The following KIAA1958 variants were observed in gnomAD, a reference collection of about 807,000 sequenced individuals.
The protein encoded by KIAA1958 is uncharacterized protein KIAA1958.
A neutral mutation model predicts 47.2 loss-of-function variants in KIAA1958; 14 were observed. The observed-to-expected ratio is 0.30, with a 90% CI of 0.20 to 0.46. The LOEUF (loss-of-function observed/expected upper bound fraction) is 0.46. Ranked by LOEUF, KIAA1958 falls within the 20% of genes least tolerant of loss-of-function variation. KIAA1958 has a pLI of 1.00. For missense variants in KIAA1958, 803 were observed against 909.2 expected (o/e 0.88, Z 1.50); for synonymous variants, 354 against 353.3 (o/e 1.00, Z -0.02).
chr9:112,521,899 C>T (rs762575817), intron 1 of KIAA1958, among the ~76,000 whole-genome samples: 55 of 152,002 alleles, frequency 3.6e-4, no homozygotes, highest in Non-Finnish European at 1.2e-4. Context: ...AATGAAATGT[C>T]TTTATTTTTC....
Position 112,506,709 on chromosome 9 carries a change from T to C in KIAA1958, c.-25+19591T>C, listed in dbSNP as rs1163333842. ...TTTGCTTGCTCAAGCTACTGCTTTT[T>C]TTTTTTTCTTGTAAACACAGCTGGA... On this transcript the variant is annotated intron_variant, in intron 1 of 3. Coordinates refer to ENST00000337530, the MANE Select transcript of KIAA1958 (RefSeq NM_133465.4). Among the ~76,000 whole-genome samples the C allele has an allele frequency of 2.0e-5, 3 of 152,194 alleles. 1 individual carries two copies. The highest frequency in any genetic ancestry group is 1.3e-4 in the Admixed American group (2 of 15,284).
intron 2 of KIAA1958, among the ~76,000 whole-genome samples, chr9:112,620,103 AATT>A (rs1836477192): frequency 1.3e-5 from 2 of 152,242 alleles, no homozygotes. Flanking sequence ...GATATCCTGC[AATT>A]ATTATAATAA....
chr9:112,536,082 G>C (rs1027680948), intron 1 of KIAA1958, among the ~76,000 whole-genome samples: 2 of 152,150 alleles, frequency 1.3e-5, no homozygotes, highest in African/African-American at 4.8e-5. Context: ...TCAATGAGTG[G>C]CTAATGTAAC....
intron 1 of KIAA1958, among the ~76,000 whole-genome samples, chr9:112,506,131 A>G (rs1834231157): frequency 6.6e-6 from 1 of 152,184 alleles, no homozygotes; most frequent in Non-Finnish European, 1.5e-5. Context: ...GAGAAAAATG[A>G]AATTTATAGA....
At chr9:112,584,184 C>G (rs1347080325) in intron 2 of KIAA1958, among the ~76,000 whole-genome samples, 4 of 152,144 alleles carry the variant, frequency 2.6e-5, no homozygotes, top group African/African-American at 9.7e-5. Flanking sequence ...CAGCCCTGCC[C>G]CCTTCTTTTC....
At chr9:112,620,775 C>T (rs1480354558) in intron 2 of KIAA1958, among the ~76,000 whole-genome samples, 1 of 149,448 alleles carries the variant, frequency 6.7e-6, no homozygotes, top group Non-Finnish European at 1.5e-5. Context: ...ATATGTAAGT[C>T]ATAGTTACTA....
At chr9:112,513,511 C>A (rs1199312567) in intron 1 of KIAA1958, among the ~76,000 whole-genome samples, 1 of 5,312 alleles carries the variant, frequency 1.9e-4, no homozygotes, top group Non-Finnish European at 3.2e-4. Context: ...GGCGCGGCTG[C>A]GCTGCGGCCC....
At chr9:112,519,116 T>C (rs183284339) in intron 1 of KIAA1958, among the ~76,000 whole-genome samples, 2 of 152,090 alleles carry the variant, frequency 1.3e-5, no homozygotes, top group Admixed American at 1.3e-4. Context: ...TTATTATTAT[T>C]ATTTTTTTAA....
Position 112,486,927 on chromosome 9 carries a change from C to G in KIAA1958, c.-216C>G, listed in dbSNP as rs1833859676. The G allele has an allele frequency of 6.6e-6, 1 of 150,796 alleles. No homozygotes were observed. The highest frequency in any genetic ancestry group is 1.4e-5 in the Non-Finnish European group (1 of 69,216). 9.3% of individuals were successfully genotyped at this position (150,796 alleles called of 1,614,324 possible). A position where few individuals can be genotyped will look rare whatever the true frequency, so the allele number is the denominator to read the frequency against. The stretch of plus-strand genomic sequence containing the variant: ...GAGCCAGGCTGGCGCCCCCGCCCCC[C>G]GCCCCGCTCCTCGGTCCGCCGCCCG... On this transcript the variant is annotated 5_prime_UTR_variant, in exon 1 of 4. Transcript: ENST00000337530.
chr9:112,569,394 G>A (rs1332458785), intron 1 of KIAA1958, among the ~76,000 whole-genome samples: 1 of 152,174 alleles, frequency 6.6e-6, no homozygotes, highest in Admixed American at 6.5e-5. Context: ...GAACTAGTCA[G>A]TACATTGCTG....
intron 1 of KIAA1958, among the ~76,000 whole-genome samples, chr9:112,491,219 G>T (rs780155486): frequency 2.4e-4 from 36 of 152,240 alleles, no homozygotes; most frequent in East Asian, 1.5e-3. Flanking sequence ...TCCTGCCTTG[G>T]CCTCCCAAAG....
At chr9:112,611,321 G>A (rs552987101) in intron 2 of KIAA1958, among the ~76,000 whole-genome samples, 2 of 152,186 alleles carry the variant, frequency 1.3e-5, no homozygotes, top group Middle Eastern at 3.4e-3. Flanking sequence ...TGTATACTTG[G>A]AATGCTTGGA....
intron 1 of KIAA1958, among the ~76,000 whole-genome samples, chr9:112,504,000 G>T (rs576555876): frequency 1.3e-5 from 2 of 151,568 alleles, no homozygotes; most frequent in African/African-American, 4.8e-5. Context: ...AATTAAAAAC[G>T]AAGTATTTTG....
chr9:112,526,511 G>T (rs1181682410), intron 1 of KIAA1958, among the ~76,000 whole-genome samples: 2 of 152,172 alleles, frequency 1.3e-5, no homozygotes, highest in Non-Finnish European at 2.9e-5. Flanking sequence ...CTCCCAAAAT[G>T]CTAGGATTAC....
chr9:112,527,485 C>G (rs7874826), intron 1 of KIAA1958, among the ~76,000 whole-genome samples: 145,395 of 152,310 alleles, frequency 0.95, 69,467 homozygotes, highest in African/African-American at 0.99. Flanking sequence ...ATTGTTTTGT[C>G]TTTTGGAGAC....
At chr9:112,568,705 C>T (rs1231346730) in intron 1 of KIAA1958, among the ~76,000 whole-genome samples, 1 of 151,158 alleles carries the variant, frequency 6.6e-6, no homozygotes, top group Non-Finnish European at 1.5e-5. Flanking sequence ...ATGGCAAAAC[C>T]CCATCTCTAC....
intron 2 of KIAA1958, among the ~76,000 whole-genome samples, chr9:112,592,412 G>A (rs988227381): frequency 5.3e-5 from 8 of 152,152 alleles, no homozygotes; most frequent in African/African-American, 1.9e-4. Context: ...ATTTAGATAA[G>A]ACTGCTTGGT....
chr9:112,550,825 A>C (rs1272942874), intron 1 of KIAA1958, among the ~76,000 whole-genome samples: 3 of 152,182 alleles, frequency 2.0e-5, no homozygotes, highest in Admixed American at 6.5e-5. Flanking sequence ...AACCTGTGCG[A>C]CTGACCTTAG....
chr9:112,634,602 C>G (rs142951188), intron 2 of KIAA1958, among the ~76,000 whole-genome samples: 2 of 152,004 alleles, frequency 1.3e-5, no homozygotes, highest in African/African-American at 4.8e-5. Flanking sequence ...TTTTTAAGTT[C>G]GAGGGTACAT....
Sources: allele counts gnomAD v4.1 joint callset (sites outside exome capture counted in the v4.1 genomes callset), GRCh38; gene constraint gnomAD v4.1.1; transcripts MANE v1.5; gene names NCBI Gene and HGNC (gene_info 2026-07-23, HGNC 2026-07-21).